Variants in UIMC1 observed in about 807,000 individuals in gnomAD.
The protein encoded by UIMC1 is BRCA1-A complex subunit RAP80.
A neutral mutation model predicts 84.9 loss-of-function variants in UIMC1; 42 were observed. That is an observed-to-expected ratio of 0.49 (90% confidence interval 0.39 to 0.64). The LOEUF is 0.64. Among genes scored for constraint, UIMC1 ranks in the 30% least tolerant of loss-of-function variants. UIMC1 has a pLI of 0.00. For synonymous variants in UIMC1, 281 were observed against 293.0 expected (o/e 0.96, Z 0.42); for missense variants, 825 against 847.6 (o/e 0.97, Z 0.33).
In UIMC1 at chr5:176,943,353, G is replaced by A. The variant is rs115309999; in HGVS notation, c.1579C>T (p.Leu527=). 1 of 1,613,996 alleles carries A rather than the reference G, an allele frequency of 6.2e-7. No individual in the cohort carries two copies. Among genetic ancestry groups the A allele is most frequent in the Non-Finnish European group, 8.5e-7 (1 of 1,179,974 alleles). The part of the protein sequence containing the change: ...IERHAMYCNG[L]MEEDTVLTRR... ...TCTTTACCTGTATCTTCCTCCATCA[G>A]ACCATTGCAGTACATGGCATGTCGT... The change falls in exon 10 of 15, where the codon CTG becomes TTG. Residue 527 remains leucine (L), a synonymous_variant. Coordinates refer to ENST00000511320, the MANE Select transcript of UIMC1 (RefSeq NM_001199298.2).
Position 176,996,248 on chromosome 5 carries a change from A to G in UIMC1, c.-9+10402T>C, listed in dbSNP as rs188146694. ...ACTAGAAAAAAACTAATCAACAGTT[A>G]AAGGAAAACAGACCAGCATTTGCCT... On this transcript the variant is annotated intron_variant, in intron 1 of 14. Coordinates refer to ENST00000511320, the MANE Select transcript of UIMC1 (RefSeq NM_001199298.2). Among the ~76,000 whole-genome samples the G allele has an allele frequency of 1.1e-4, 16 of 152,330 alleles. 1 individual carries two copies. The East Asian group carries it at 3.1e-3, about 29-fold the overall frequency.
At chr5:177,022,467 G>A (rs1401119306) in exon 1 of UIMC1, 3 of 439,358 alleles carry the variant, frequency 6.8e-6, no homozygotes, top group African/African-American at 4.1e-5. Context: ...GGCTGACCGT[G>A]AGCAAGGTGA....
rs1011049975 is a variant in UIMC1, at chr5:176,993,354, T to G, written c.-8-10731A>C. On this transcript the variant is annotated intron_variant, in intron 1 of 14. Transcript: ENST00000511320. Reference sequence around the variant, plus strand: ...GCATGTGCCACCACACCCAGCTAATTTACTTTTTATTTTTTGTAGAGACAA... The same window carrying G: ...GCATGTGCCACCACACCCAGCTAATGTACTTTTTATTTTTTGTAGAGACAA... 3.3e-5 allele frequency among the ~76,000 whole-genome samples: 5 copies of G among 151,952 alleles called. 1 individual carries two copies. The highest frequency in any genetic ancestry group is 1.2e-4 in the African/African-American group (5 of 41,338).
At chr5:177,007,361 A>G (rs1243902405), upstream of UIMC1, among the ~76,000 whole-genome samples, 1 of 150,068 alleles carries the variant, frequency 6.7e-6, no homozygotes, top group Non-Finnish European at 1.5e-5. Flanking sequence ...AAAAAAAAAA[A>G]GGGAAAGAAA....
chr5:176,921,586 G>A (rs1189011083), intron 10 of UIMC1, among the ~76,000 whole-genome samples: 1 of 152,148 alleles, frequency 6.6e-6, no homozygotes, highest in African/African-American at 2.4e-5. Context: ...GCAAAACCTT[G>A]ATTTCACCTT....
intron 8 of UIMC1, among the ~76,000 whole-genome samples, chr5:176,952,942 G>C (rs75957844): frequency 6.6e-6 from 1 of 152,094 alleles, no homozygotes; most frequent in African/African-American, 2.4e-5. Flanking sequence ...TGTACCCCCC[G>C]AACTTCGTAT....
chr5:176,948,070 T>C (rs900136560), intron 9 of UIMC1, among the ~76,000 whole-genome samples: 1 of 152,084 alleles, frequency 6.6e-6, no homozygotes, highest in Non-Finnish European at 1.5e-5. Flanking sequence ...CACACGACTC[T>C]TAACATAGTT....
chr5:177,006,855 G>A (rs1242246057), upstream of UIMC1: 1 of 152,232 alleles, frequency 6.6e-6, no homozygotes, highest in Non-Finnish European at 1.5e-5. Context: ...TGCGCGGGAG[G>A]CGCTGACCGC....
In UIMC1 at chr5:176,907,097, G is replaced by T. The variant is rs777815949; in HGVS notation, c.1912+17C>A. On this transcript the variant is annotated intron_variant, in intron 13 of 14. Coordinates refer to ENST00000511320, the MANE Select transcript of UIMC1 (RefSeq NM_001199298.2). The stretch of plus-strand genomic sequence containing the variant: ...GCCTTAGGCAGAAGCCCAGAAAACT[G>T]GTCCTGGGGTCCTCACCTGAAGTCT... 6.2e-7 allele frequency: 1 copy of T among 1,613,070 alleles called. No homozygotes were observed. Among genetic ancestry groups the T allele is most frequent in the South Asian group, 1.1e-5 (1 of 90,892 alleles).
At chr5:176,960,336 ATTATT>A (rs1253680942) in intron 6 of UIMC1, among the ~76,000 whole-genome samples, 1 of 152,184 alleles carries the variant, frequency 6.6e-6, no homozygotes, top group African/African-American at 2.4e-5. Context: ...ATTTCAATAC[ATTATT>A]TTAATTTAGA....
At chr5:176,990,662 T>C (rs1772692982) in intron 1 of UIMC1, among the ~76,000 whole-genome samples, 1 of 152,100 alleles carries the variant, frequency 6.6e-6, no homozygotes, top group Non-Finnish European at 1.5e-5. Context: ...CTAATATAAA[T>C]AGATTTTATA....
chr5:177,008,364 C>A (rs541635227), upstream of UIMC1, among the ~76,000 whole-genome samples: 10 of 152,202 alleles, frequency 6.6e-5, no homozygotes, highest in East Asian at 5.8e-4. Context: ...CTGGGACATT[C>A]GATCTCCCAC....
intron 10 of UIMC1, among the ~76,000 whole-genome samples, chr5:176,942,085 C>T (rs1764508927): frequency 6.6e-6 from 1 of 152,096 alleles, no homozygotes; most frequent in Non-Finnish European, 1.5e-5. Context: ...CCTCAGGTGA[C>T]CCACCCGCCT....
Position 176,970,873 on chromosome 5 carries a change from G to C in UIMC1, c.233-7C>G. ...TGTTCTTCTTCTGTCATCTCTGTAA[G>C]AGGATAGGGAAAAGAGAAGGAGGAA... On this transcript the variant is annotated splice_region_variant and splice_polypyrimidine_tract_variant and intron_variant, in intron 3 of 14. Coordinates refer to ENST00000511320, the MANE Select transcript of UIMC1 (RefSeq NM_001199298.2). 1.9e-6 allele frequency: 3 copies of C among 1,612,888 alleles called. No homozygotes were observed. Among genetic ancestry groups the C allele is most frequent in the African/African-American group, 1.3e-5 (1 of 75,044 alleles).
At chr5:176,905,801 C>T in intron 14 of UIMC1, 6 of 640,748 alleles carry the variant, frequency 9.4e-6, no homozygotes, top group Non-Finnish European at 1.6e-5. Context: ...ATAACTTTCA[C>T]TCTGTTTGTT....
chr5:176,948,005 C>A (rs949329359), intron 9 of UIMC1, among the ~76,000 whole-genome samples: 1 of 152,026 alleles, frequency 6.6e-6, no homozygotes, highest in African/African-American at 2.4e-5. Context: ...ATCCCTCCCC[C>A]ACCCAATTAT....
chr5:176,911,917 GGT>G (rs1760264404), intron 10 of UIMC1, among the ~76,000 whole-genome samples: 1 of 152,236 alleles, frequency 6.6e-6, no homozygotes, highest in African/African-American at 2.4e-5. Context: ...AATTCTAGTG[GGT>G]ATAAATGGCT....
intron 1 of UIMC1, among the ~76,000 whole-genome samples, chr5:177,013,816 G>A (rs537979790): frequency 1.6e-3 from 246 of 152,312 alleles, no homozygotes; most frequent in African/African-American, 5.7e-3. Flanking sequence ...TCCCAGTGGA[G>A]TCACTTAATT....
intron 3 of UIMC1, among the ~76,000 whole-genome samples, chr5:176,974,437 T>C (rs1463083730): frequency 6.6e-6 from 1 of 152,078 alleles, no homozygotes; most frequent in Non-Finnish European, 1.5e-5. Context: ...ACTATAAAAT[T>C]TCCAGAAGAA....
Sources: allele counts gnomAD v4.1 joint callset (sites outside exome capture counted in the v4.1 genomes callset), GRCh38; gene constraint gnomAD v4.1.1; transcripts MANE v1.5; gene names NCBI Gene and HGNC (gene_info 2026-07-23, HGNC 2026-07-21).